PTPRD: variants seen among roughly 807,000 people sequenced by gnomAD.
The protein encoded by PTPRD is protein tyrosine phosphatase receptor type D, also known as receptor-type tyrosine-protein phosphatase delta.
Under a neutral mutation model 214.5 loss-of-function variants are expected in PTPRD, and 34 were observed. The observed-to-expected ratio is 0.16, with a 90% confidence interval of 0.12 to 0.21. The LOEUF is 0.21. Among genes scored for constraint, PTPRD ranks in the 10% least tolerant of loss-of-function variants. PTPRD has a pLI of 1.00. For synonymous variants in PTPRD, 1,128 were observed against 845.7 expected (o/e 1.33, Z -5.79); for missense variants, 2,545 against 2,398.7 (o/e 1.06, Z -1.27).
At chr9:10,539,648 T>G (rs1287153935) in intron 2 of PTPRD, among the ~76,000 whole-genome samples, 2 of 152,180 alleles carry the variant, frequency 1.3e-5, no homozygotes, top group Non-Finnish European at 2.9e-5. Flanking sequence ...TTAAACTACA[T>G]AAAAGCCCTA....
At chr9:9,815,698 G>A (rs1284164219) in intron 5 of PTPRD, among the ~76,000 whole-genome samples, 1 of 152,076 alleles carries the variant, frequency 6.6e-6, no homozygotes, top group Non-Finnish European at 1.5e-5. Flanking sequence ...CTAAAAAGTC[G>A]AACTCTGAAA....
At chr9:10,186,068 T>C (rs2099328854) in intron 3 of PTPRD, among the ~76,000 whole-genome samples, 1 of 148,316 alleles carries the variant, frequency 6.7e-6, no homozygotes, top group African/African-American at 2.6e-5. Flanking sequence ...AGAAGATAAT[T>C]ATGCTAGAAA....
chr9:10,559,639 A>C (rs867002143), intron 2 of PTPRD, among the ~76,000 whole-genome samples: 3 of 152,266 alleles, frequency 2.0e-5, no homozygotes, highest in South Asian at 2.1e-4. Context: ...AAATGGGAGA[A>C]AATTTTCACA....
intron 11 of PTPRD, among the ~76,000 whole-genome samples, chr9:8,841,735 G>A (rs573908720): frequency 6.6e-5 from 10 of 151,714 alleles, no homozygotes; most frequent in African/African-American, 1.9e-4. Flanking sequence ...ACATCAGCCT[G>A]GCACGGTGGC....
chr9:9,445,731 C>T (rs1437020519), intron 8 of PTPRD, among the ~76,000 whole-genome samples: 1 of 152,110 alleles, frequency 6.6e-6, no homozygotes, highest in Non-Finnish European at 1.5e-5. Flanking sequence ...ATTCCCTCTC[C>T]TGACACGTGG....
rs141168533 is a variant in PTPRD at position 9,776,954 on chromosome 9, G to A, written c.-367-10103C>T. On this transcript the variant is annotated intron_variant, in intron 5 of 45. Transcript: ENST00000381196. Reference sequence around the variant, plus strand: ...TCTGGGTTGAAAGGCATAAATTCAGGGGATCAATTTTCTAGTCATTTACTA... The same window carrying A: ...TCTGGGTTGAAAGGCATAAATTCAGAGGATCAATTTTCTAGTCATTTACTA... 5.9e-5 allele frequency among the ~76,000 whole-genome samples: 9 copies of A among 152,098 alleles called. No homozygotes were observed. In the East Asian group the frequency reaches 1.7e-3, roughly 29 times the overall value.
intron 10 of PTPRD, among the ~76,000 whole-genome samples, chr9:9,023,388 A>T (rs1035603067): frequency 2.0e-4 from 30 of 152,062 alleles, no homozygotes; most frequent in African/African-American, 7.0e-4. Context: ...TACTTTGCAC[A>T]CTTTGCTGAA....
intron 35 of PTPRD, among the ~76,000 whole-genome samples, chr9:8,414,961 GAGAGAGAGAGAGAC>G (rs1385582447): frequency 6.0e-4 from 90 of 149,096 alleles, no homozygotes; most frequent in African/African-American, 2.1e-3. Flanking sequence ...GAGAGAGAGA[GAGAGAGAGAGAGAC>G]AGACAGACAG....
At chr9:8,504,669 T>C (rs1375729179) in intron 22 of PTPRD, among the ~76,000 whole-genome samples, 1 of 152,148 alleles carries the variant, frequency 6.6e-6, no homozygotes, top group African/African-American at 2.4e-5. Flanking sequence ...GCCAAATACA[T>C]CAGATAAGAC....
chr9:9,418,915 A>G (rs572926598), intron 8 of PTPRD, among the ~76,000 whole-genome samples: 1 of 152,058 alleles, frequency 6.6e-6, no homozygotes, highest in African/African-American at 2.4e-5. Context: ...TTGGGCTTTT[A>G]GTTGATAAGC....
intron 3 of PTPRD, among the ~76,000 whole-genome samples, chr9:10,312,172 C>T (rs1219818361): frequency 2.6e-5 from 4 of 151,826 alleles, no homozygotes; most frequent in Non-Finnish European, 5.9e-5. Context: ...TCTTTGAATG[C>T]CTATTATGAG....
chr9:10,502,016 G>A (rs2043908726), intron 2 of PTPRD, among the ~76,000 whole-genome samples: 1 of 151,758 alleles, frequency 6.6e-6, no homozygotes, highest in African/African-American at 2.4e-5. Flanking sequence ...GAGAACCACT[G>A]CTATATAGAA....
At chr9:9,232,507 T>C (rs1276474432) in intron 9 of PTPRD, among the ~76,000 whole-genome samples, 3 of 152,164 alleles carry the variant, frequency 2.0e-5, no homozygotes, top group African/African-American at 7.2e-5. Flanking sequence ...TGTTAAAAGA[T>C]CATTGCATGG....
chr9:9,186,122 A>AGAT (rs768664180), intron 9 of PTPRD, among the ~76,000 whole-genome samples: 153 of 152,286 alleles, frequency 1.0e-3, no homozygotes, highest in Admixed American at 3.5e-3. Flanking sequence ...GAGAAAAAAT[A>AGAT]GATGATAAAT....
chr9:8,370,704 A>G (rs1314524505), intron 39 of PTPRD, among the ~76,000 whole-genome samples: 1 of 152,038 alleles, frequency 6.6e-6, no homozygotes, highest in East Asian at 1.9e-4. Flanking sequence ...GTCACCAGGG[A>G]AGGCTTGACA....
chr9:8,416,694 A>G (rs572305580), intron 35 of PTPRD, among the ~76,000 whole-genome samples: 2 of 152,148 alleles, frequency 1.3e-5, no homozygotes, highest in African/African-American at 4.8e-5. Flanking sequence ...GTCTTACTCT[A>G]AACTCACCAA....
intron 14 of PTPRD, among the ~76,000 whole-genome samples, chr9:8,629,648 T>C (rs776692938): frequency 2.6e-5 from 4 of 151,806 alleles, no homozygotes; most frequent in Admixed American, 1.3e-4. Context: ...CTGCTTAGGA[T>C]GGGAAAACAC....
Position 9,267,390 on chromosome 9 carries a change from A to T in PTPRD, c.-202-84027T>A, listed in dbSNP as rs982127569. ...AACCTGAACAGTCTAATAATGAGTA[A>T]GGAGATTGAATCAGTAATTAAAAAT... On this transcript the variant is annotated intron_variant, in intron 9 of 45. Transcript: ENST00000381196. Among the ~76,000 whole-genome samples, 5 of 151,412 alleles carry T rather than the reference A, an allele frequency of 3.3e-5. No homozygotes were observed. In the East Asian group the frequency reaches 9.8e-4, roughly 30 times the overall value.
intron 10 of PTPRD, among the ~76,000 whole-genome samples, chr9:9,153,076 T>C (rs919322535): frequency 1.3e-5 from 2 of 152,202 alleles, no homozygotes; most frequent in Non-Finnish European, 2.9e-5. Context: ...TGTTAGTCTA[T>C]AAATGACATT....
Sources: gnomAD v4.1 joint callset for allele counts (sites outside exome capture counted in the v4.1 genomes callset) on GRCh38, gnomAD v4.1.1 for gene constraint, MANE v1.5 for transcripts, NCBI Gene and HGNC (gene_info 2026-07-23, HGNC 2026-07-21) for gene names.